SOS2: variants seen among roughly 807,000 people sequenced by gnomAD.
SOS2 encodes the protein son of sevenless homolog 2.
In SOS2, 65 loss-of-function variants were observed where a neutral mutation model predicts 148.2. The ratio of observed to expected loss-of-function variants is 0.44; its 90% CI spans 0.36 to 0.54. The LOEUF is 0.54. SOS2 is among the 20% of genes least tolerant of loss of function. The pLI is 0.00. For synonymous variants in SOS2, 539 were observed against 537.1 expected, an observed-to-expected ratio of 1.00 and a Z score of -0.05; for missense variants, 1,341 against 1,590.2, an observed-to-expected ratio of 0.84 and a Z score of 2.67.
At chr14:50,155,974 G>T (rs1249921105) in intron 12 of SOS2, 1 of 152,094 alleles carries the variant, frequency 6.6e-6, no homozygotes, top group Non-Finnish European at 1.5e-5. Flanking sequence ...AAGTTTTAGT[G>T]AAAGACATAT....
chr14:50,171,952 C>T (rs1353887173), intron 8 of SOS2, among the ~76,000 whole-genome samples: 1 of 148,878 alleles, frequency 6.7e-6, no homozygotes, highest in African/African-American at 2.5e-5. Context: ...TATACATGTG[C>T]CTGCATTTTG....
intron 20 of SOS2, 116 bp from the exon 21 acceptor site, chr14:50,130,118 C>A: frequency 6.2e-6 from 4 of 650,012 alleles, no homozygotes; most frequent in South Asian, 4.6e-5. Flanking sequence ...TCATCTTTTG[C>A]CATGTTAGTT....
At chr14:50,229,283 A>C (rs1038279176) in intron 1 of SOS2, among the ~76,000 whole-genome samples, 8 of 152,324 alleles carry the variant, frequency 5.3e-5, no homozygotes, top group East Asian at 3.8e-4. Context: ...TTCTATCACA[A>C]CAGTAAGTTA....
chr14:50,172,928 A>G (rs977312486), intron 8 of SOS2, among the ~76,000 whole-genome samples: 1 of 152,166 alleles, frequency 6.6e-6, no homozygotes, highest in African/African-American at 2.4e-5. Context: ...AACATCTAAG[A>G]ACTTCTGTCT....
intron 5 of SOS2, 101 bp downstream of exon 5, chr14:50,188,396 A>C (rs893172566): frequency 1.4e-5 from 11 of 784,348 alleles, no homozygotes; most frequent in Admixed American, 5.3e-5. Flanking sequence ...CAACAGAGCA[A>C]GACTCCGTCT....
chr14:50,132,669 C>T (rs1157021761), intron 19 of SOS2, among the ~76,000 whole-genome samples: 1 of 151,834 alleles, frequency 6.6e-6, no homozygotes, highest in Non-Finnish European at 1.5e-5. Context: ...TCAAAAAAAA[C>T]AAAACAAAAA....
intron 18 of SOS2, among the ~76,000 whole-genome samples, chr14:50,137,253 AT>A (rs1884111933): frequency 6.6e-6 from 1 of 152,224 alleles, no homozygotes; most frequent in Non-Finnish European, 1.5e-5. Context: ...TAGAACATCA[AT>A]CGACAGGATG....
intron 1 of SOS2, among the ~76,000 whole-genome samples, chr14:50,205,178 T>C (rs780053931): frequency 6.6e-6 from 1 of 152,056 alleles, no homozygotes; most frequent in Non-Finnish European, 1.5e-5. Flanking sequence ...GTCTCCCAAG[T>C]AGCTGGCACT....
intron 1 of SOS2, among the ~76,000 whole-genome samples, chr14:50,229,478 A>T (rs188890290): frequency 1.6e-4 from 24 of 150,578 alleles, no homozygotes; most frequent in Admixed American, 1.3e-3. Context: ...ATTGGATGCT[A>T]ATCTTGGCTT....
intron 16 of SOS2, among the ~76,000 whole-genome samples, chr14:50,141,073 G>A (rs1011834069): frequency 3.3e-5 from 5 of 151,370 alleles, no homozygotes; most frequent in Admixed American, 6.6e-5. Context: ...GCGTGGTGGC[G>A]GGTGCCTGTA....
chr14:50,212,550 C>T (rs951640639), intron 1 of SOS2, among the ~76,000 whole-genome samples: 10 of 152,202 alleles, frequency 6.6e-5, no homozygotes, highest in Non-Finnish European at 2.9e-5. Flanking sequence ...AAAGTGCTGA[C>T]AATGTTCTGT....
chr14:50,132,894 A>G (rs1883929368), intron 19 of SOS2, among the ~76,000 whole-genome samples: 1 of 152,046 alleles, frequency 6.6e-6, no homozygotes, highest in Non-Finnish European at 1.5e-5. Flanking sequence ...ATTAAACCAG[A>G]GCAATTCTTT....
At position 50,188,517 on chromosome 14, in the gene SOS2, T is replaced by C; in HGVS notation, c.694A>G (p.Arg232Gly). The C allele has an allele frequency of 6.2e-7, 1 of 1,600,204 alleles. No homozygotes were observed. The highest frequency in any genetic ancestry group is 8.5e-7 in the Non-Finnish European group (1 of 1,176,430). Residue 232 changes from arginine to glycine, a missense_variant, in exon 5 of 23, where the codon AGA becomes GGA. Arg to Gly is a moderately radical substitution (Grantham distance 125). Transcript: ENST00000216373. ...CTTACAGAAGGTTTAAACAGCTTTC[T>C]ATCAGAAAGAAAGGCTTCTCGAAAC... The part of the protein sequence containing the change: ...KVFREAFLSD[R>G]KLFKPSDIEK...
At chr14:50,155,449 T>C (rs8007884) in intron 12 of SOS2, among the ~76,000 whole-genome samples, 3 of 152,150 alleles carry the variant, frequency 2.0e-5, no homozygotes, top group Non-Finnish European at 4.4e-5. Flanking sequence ...TGACCCTGAA[T>C]ACCTACAGTC....
At chr14:50,205,633 A>G (rs1364795845) in intron 1 of SOS2, among the ~76,000 whole-genome samples, 1 of 152,182 alleles carries the variant, frequency 6.6e-6, no homozygotes, top group African/African-American at 2.4e-5. Context: ...GAACAAAATG[A>G]GAGTTTTAAA....
chr14:50,161,763 C>T (rs12717405), intron 8 of SOS2, among the ~76,000 whole-genome samples, 154 bp from the exon 9 acceptor site: 2 of 151,126 alleles, frequency 1.3e-5, no homozygotes. Flanking sequence ...ATACCTACTG[C>T]CCTCTCAAAC....
chr14:50,129,168 A>C (rs1883783764), intron 21 of SOS2, among the ~76,000 whole-genome samples: 1 of 152,236 alleles, frequency 6.6e-6, no homozygotes, highest in Non-Finnish European at 1.5e-5. Flanking sequence ...GGAATGATAG[A>C]ATAGTGCTTT....
chr14:50,155,179 T>A lies in SOS2; in HGVS notation c.2057+1820A>T, dbSNP rs752761621. ...CATTGTAAAATTCTCAGTTTTGCTG[T>A]ATGTTAAAATTTTTCATAATAAAAT... On this transcript the variant is annotated intron_variant, in intron 12 of 22. Coordinates refer to ENST00000216373, the MANE Select transcript of SOS2 (RefSeq NM_006939.4). Among the ~76,000 whole-genome samples, 3 of 152,164 alleles carry A rather than the reference T, an allele frequency of 2.0e-5. No individual in the cohort carries two copies. In the East Asian group the frequency reaches 5.8e-4, roughly 29 times the overall value.
chr14:50,204,439 T>C (rs772354911), intron 1 of SOS2, 30 bp from the exon 2 acceptor site: 1 of 1,394,814 alleles, frequency 7.2e-7, no homozygotes, highest in South Asian at 1.3e-5. Flanking sequence ...GTTAAAGTAA[T>C]GGCAAAATAA....
Sources: gnomAD v4.1 joint callset for allele counts (sites outside exome capture counted in the v4.1 genomes callset) on GRCh38, gnomAD v4.1.1 for gene constraint, MANE v1.5 for transcripts, NCBI Gene and HGNC (gene_info 2026-07-23, HGNC 2026-07-21) for gene names.